DNAH17: variants seen among roughly 807,000 people sequenced by gnomAD.
The protein encoded by DNAH17 is dynein axonemal heavy chain 17, also known as axonemal beta dynein heavy chain 17.
In DNAH17, 376 loss-of-function variants were observed where a neutral mutation model predicts 485.6. That is an observed-to-expected ratio of 0.77 (90% CI 0.71 to 0.84). The LOEUF (loss-of-function observed/expected upper bound fraction) is 0.84. Ranked by LOEUF, DNAH17 falls within the 40% of genes least tolerant of loss-of-function variation. The pLI, the probability that DNAH17 is intolerant of heterozygous loss-of-function variation, is 0.00. For missense variants in DNAH17, 6,370 were observed against 5,839.3 expected (o/e 1.09, Z -2.96); for synonymous variants, 3,031 against 2,405.9 (o/e 1.26, Z -7.60).
At chr17:78,435,425 A>G (rs866754912) in intron 74 of DNAH17, among the ~76,000 whole-genome samples, 4 of 152,104 alleles carry the variant, frequency 2.6e-5, no homozygotes, top group Middle Eastern at 3.4e-3. Flanking sequence ...CTGGTCCCTG[A>G]ACTTGTGAAG....
chr17:78,458,861 G>T, intron 61 of DNAH17, 140 bp downstream of exon 61: 1 of 1,091,768 alleles, frequency 9.2e-7, no homozygotes, highest in Non-Finnish European at 1.4e-6. Context: ...TCTGGCCCCT[G>T]CCTCTGCCTG....
chr17:78,429,899 C>T (rs1239564888), intron 75 of DNAH17, among the ~76,000 whole-genome samples: 1 of 152,182 alleles, frequency 6.6e-6, no homozygotes, highest in Non-Finnish European at 1.5e-5. Flanking sequence ...CCCGTGCCTC[C>T]AGGGTCTTTG....
At chr17:78,539,612 A>C in intron 18 of DNAH17, 125 bp downstream of exon 18, 1 of 912,090 alleles carries the variant, frequency 1.1e-6, no homozygotes, top group South Asian at 2.3e-5. Flanking sequence ...AGTAGATTGC[A>C]TAAGATATAT....
intron 25 of DNAH17, chr17:78,522,563 T>C: frequency 3.4e-6 from 1 of 291,972 alleles, no homozygotes. Context: ...ATGTTGGAGC[T>C]GAAGCCCAAC....
At chr17:78,454,984 A>T (rs1324539917) in intron 63 of DNAH17, among the ~76,000 whole-genome samples, 2 of 151,678 alleles carry the variant, frequency 1.3e-5, no homozygotes, top group African/African-American at 4.8e-5. Context: ...ATCTTGGCCC[A>T]CCGTAACCTC....
chr17:78,519,342 TTAGAAAA>T (rs2090876492), intron 25 of DNAH17, among the ~76,000 whole-genome samples: 1 of 152,002 alleles, frequency 6.6e-6, no homozygotes, highest in Non-Finnish European at 1.5e-5. Context: ...AGTGTTTCCT[TTAGAAAA>T]GAGAAAAGGT....
chr17:78,542,774 A>G (rs1002319957), intron 17 of DNAH17, among the ~76,000 whole-genome samples: 2 of 152,204 alleles, frequency 1.3e-5, no homozygotes, highest in African/African-American at 4.8e-5. Context: ...GCATTATCAC[A>G]TTCTACCCAT....
At chr17:78,521,431 T>C (rs1487599799) in intron 25 of DNAH17, among the ~76,000 whole-genome samples, 2 of 152,084 alleles carry the variant, frequency 1.3e-5, no homozygotes, top group African/African-American at 4.8e-5. Context: ...TTTTTTTTAA[T>C]GGAGGGACCG....
At chr17:78,464,150 T>G (rs1445380752) in intron 56 of DNAH17, among the ~76,000 whole-genome samples, 2 of 152,190 alleles carry the variant, frequency 1.3e-5, no homozygotes, top group Non-Finnish European at 2.9e-5. Flanking sequence ...GGAGGTTTAT[T>G]CCAAGGGCTG....
chr17:78,459,480 C>T (rs192465449), intron 60 of DNAH17, among the ~76,000 whole-genome samples: 2 of 152,326 alleles, frequency 1.3e-5, no homozygotes, highest in South Asian at 2.1e-4. Flanking sequence ...GATGACGTGG[C>T]AGGTGTTACA....
chr17:78,445,719 G>C, intron 69 of DNAH17, 39 bp from the exon 70 acceptor site: 1 of 1,576,212 alleles, frequency 6.3e-7, no homozygotes, highest in Non-Finnish European at 8.6e-7. Flanking sequence ...AACGCAGCCA[G>C]TAAAACGTCA....
intron 54 of DNAH17, among the ~76,000 whole-genome samples, chr17:78,473,924 A>C (rs1182942328): frequency 6.6e-6 from 1 of 152,216 alleles, no homozygotes. Context: ...CCCATGACAC[A>C]CTACCGCTCA....
chr17:78,426,749 G>A (rs761697558), intron 78 of DNAH17, 149 bp from the exon 79 acceptor site: 79 of 1,304,964 alleles, frequency 6.1e-5, no homozygotes, highest in Non-Finnish European at 7.6e-5. Flanking sequence ...AGCGCTTCCT[G>A]CTAAGGAACG....
intron 17 of DNAH17, among the ~76,000 whole-genome samples, chr17:78,542,125 C>CA (rs1312361557): frequency 6.8e-5 from 10 of 148,076 alleles, no homozygotes; most frequent in African/African-American, 2.5e-4. Flanking sequence ...CCGCCCCCCC[C>CA]AAAAACTGCC....
chr17:78,511,930 G>A (rs777688634), intron 26 of DNAH17, among the ~76,000 whole-genome samples: 1 of 152,224 alleles, frequency 6.6e-6, no homozygotes, highest in Admixed American at 6.5e-5. Flanking sequence ...CACCCCCAGG[G>A]GCTGGCTCCC....
chr17:78,426,343 G>GCC (rs756677511), intron 79 of DNAH17, 114 bp downstream of exon 79: 7 of 1,298,724 alleles, frequency 5.4e-6, no homozygotes, highest in Middle Eastern at 2.6e-4. Flanking sequence ...CAGAGGACAG[G>GCC]CCCCCAGGAG....
intron 44 of DNAH17, among the ~76,000 whole-genome samples, chr17:78,487,263 T>C (rs941635495): frequency 1.3e-5 from 2 of 152,220 alleles, no homozygotes; most frequent in Admixed American, 6.5e-5. Context: ...GTTTCTCATC[T>C]GTAAACAGGG....
Position 78,428,134 on chromosome 17 carries a change from G to A in DNAH17, c.12588+391C>T, listed in dbSNP as rs138101093. Among the ~76,000 whole-genome samples the A allele has an allele frequency of 1.2e-4, 18 of 152,328 alleles. No homozygotes were observed. In the East Asian group the frequency reaches 3.3e-3, roughly 28 times the overall value. On this transcript the variant is annotated intron_variant, in intron 77 of 80. Transcript: ENST00000389840. ...CTGAGCGGCTCTGGAGTACCTGCCT[G>A]CACATCCGGCTGCCCGGTGCGAGCT...
Position 78,437,669 on chromosome 17 carries a change from A to G in DNAH17, c.12005T>C (p.Leu4002Ser), listed in dbSNP as rs2086894296. 6.2e-7 allele frequency: 1 copy of G among 1,610,720 alleles called. No homozygotes were observed. Among genetic ancestry groups the G allele is most frequent in the Non-Finnish European group, 8.5e-7 (1 of 1,178,844 alleles). The change falls in exon 74 of 81, where the codon TTG becomes TCG. Residue 4002 changes from leucine to serine, a missense_variant. Coordinates refer to ENST00000389840, the MANE Select transcript of DNAH17 (RefSeq NM_173628.4). Reference sequence around the variant, plus strand: ...GGTGAACAGGTCCAGGGCCTTGTGCAAGTTGGCGTGCATGCCCGTGGGGGG... The same window carrying G: ...GGTGAACAGGTCCAGGGCCTTGTGCGAGTTGGCGTGCATGCCCGTGGGGGG... Reference protein sequence around the residue: ...NEPPTGMHANLHKALDLFTQD... With the variant: ...NEPPTGMHANSHKALDLFTQD...
Sources: gnomAD v4.1 joint callset for allele counts (sites outside exome capture counted in the v4.1 genomes callset) on GRCh38, gnomAD v4.1.1 for gene constraint, MANE v1.5 for transcripts, NCBI Gene and HGNC (gene_info 2026-07-23, HGNC 2026-07-21) for gene names.